The following CDK19 variants were observed in gnomAD, a reference collection of about 807,000 sequenced individuals.
CDK19 encodes the protein cyclin-dependent kinase 19.
CDK19 carries 20 observed loss-of-function variants against 68.3 expected under a neutral mutation model. The observed-to-expected ratio is 0.29, with a 90% CI of 0.21 to 0.43. The LOEUF (loss-of-function observed/expected upper bound fraction) is 0.43, where lower values mean the gene tolerates loss of function less well. Among genes scored for constraint, CDK19 ranks in the 20% least tolerant of loss-of-function variants. The pLI, the probability that CDK19 is intolerant of heterozygous loss-of-function variation, is 1.00. For missense variants in CDK19, 339 were observed against 623.5 expected, an observed-to-expected ratio of 0.54 and a Z score of 4.86; for synonymous variants, 221 against 222.8, an observed-to-expected ratio of 0.99 and a Z score of 0.07.
At chr6:110,774,089 A>G (rs754102055) in intron 1 of CDK19, among the ~76,000 whole-genome samples, 33 of 144,354 alleles carry the variant, frequency 2.3e-4, no homozygotes, top group Non-Finnish European at 1.9e-4. Context: ...TCAACAATAT[A>G]TAGGTAACAT....
chr6:110,685,364 C>G (rs935135664), intron 2 of CDK19, among the ~76,000 whole-genome samples: 1 of 152,206 alleles, frequency 6.6e-6, no homozygotes, highest in Non-Finnish European at 1.5e-5. Flanking sequence ...TCATTTATCA[C>G]TTCTTCTAAG....
chr6:110,645,190 T>A (rs1048613606), intron 4 of CDK19, among the ~76,000 whole-genome samples: 1 of 152,210 alleles, frequency 6.6e-6, no homozygotes, highest in Admixed American at 6.5e-5. Flanking sequence ...CATTTACAAA[T>A]ACTGATCATA....
At chr6:110,760,574 C>CA (rs1361863928) in intron 1 of CDK19, among the ~76,000 whole-genome samples, 2 of 151,758 alleles carry the variant, frequency 1.3e-5, no homozygotes, top group African/African-American at 4.8e-5. Context: ...CAAAAAAATA[C>CA]AAAAATGAGT....
intron 1 of CDK19, among the ~76,000 whole-genome samples, chr6:110,806,368 T>C (rs1782685925): frequency 6.6e-6 from 1 of 151,976 alleles, no homozygotes; most frequent in African/African-American, 2.4e-5. Flanking sequence ...ATTATTGTCT[T>C]AACATTTCAC....
chr6:110,638,057 AT>A (rs71553303), intron 5 of CDK19, among the ~76,000 whole-genome samples: 20,633 of 149,516 alleles, frequency 0.14, 1,744 homozygotes, highest in Admixed American at 0.27. Context: ...AATGATGCTG[AT>A]TTTTTTTTTT....
At chr6:110,764,538 G>A (rs1380146323) in intron 1 of CDK19, among the ~76,000 whole-genome samples, 1 of 152,190 alleles carries the variant, frequency 6.6e-6, no homozygotes, top group Non-Finnish European at 1.5e-5. Flanking sequence ...GCTAGTTCTA[G>A]CACTGGACAA....
chr6:110,644,521 G>T (rs1780421987), intron 4 of CDK19, among the ~76,000 whole-genome samples: 1 of 152,124 alleles, frequency 6.6e-6, no homozygotes, highest in East Asian at 1.9e-4. Context: ...AGTATAATTG[G>T]ATTGTTTGTA....
intron 7 of CDK19, 67 bp from the exon 8 acceptor site, chr6:110,626,912 G>C (rs1412635717): frequency 8.6e-6 from 12 of 1,388,006 alleles, no homozygotes; most frequent in Non-Finnish European, 1.1e-5. Context: ...AATTATGTTA[G>C]TTTATAAATA....
intron 4 of CDK19, among the ~76,000 whole-genome samples, chr6:110,643,480 T>C (rs570798116): frequency 2.4e-3 from 371 of 152,274 alleles, no homozygotes; most frequent in Non-Finnish European, 3.4e-3. Context: ...TTCTCACTTA[T>C]TTGTGGGAGC....
chr6:110,740,733 G>A (rs1298879057), intron 2 of CDK19, among the ~76,000 whole-genome samples: 2 of 152,122 alleles, frequency 1.3e-5, no homozygotes, highest in Admixed American at 1.3e-4. Flanking sequence ...TCTCAGCTAT[G>A]TGTGCCTATA....
intron 1 of CDK19, among the ~76,000 whole-genome samples, chr6:110,785,875 G>A (rs1781180157): frequency 6.6e-6 from 1 of 151,808 alleles, no homozygotes; most frequent in South Asian, 2.1e-4. Flanking sequence ...AACTACTCGG[G>A]AGCCTGAGGC....
In CDK19 at chr6:110,779,445, G is replaced by A. The variant is rs534448763; in HGVS notation, c.129-33244C>T. On this transcript the variant is annotated intron_variant, in intron 1 of 12. Transcript: ENST00000368911. ...TACCTATGAAACTATAATGTAATGT[G>A]GAGATGTTTTGGTCTTCCTCTGTCA... 2.0e-5 allele frequency among the ~76,000 whole-genome samples: 3 copies of A among 152,234 alleles called. No homozygotes were observed. The East Asian group carries it at 5.8e-4, about 29-fold the overall frequency.
At chr6:110,781,984 T>C (rs1300234672) in intron 1 of CDK19, among the ~76,000 whole-genome samples, 1 of 152,164 alleles carries the variant, frequency 6.6e-6, no homozygotes, top group Non-Finnish European at 1.5e-5. Context: ...AAGATAAACT[T>C]TGTGAAGTTT....
chr6:110,701,057 A>C (rs1003049296), intron 2 of CDK19, among the ~76,000 whole-genome samples: 10 of 152,056 alleles, frequency 6.6e-5, no homozygotes, highest in Non-Finnish European at 2.9e-5. Context: ...ATAAAAACTT[A>C]GCCAGGCGTG....
intron 1 of CDK19, among the ~76,000 whole-genome samples, chr6:110,758,201 G>A (rs914216691): frequency 6.6e-6 from 1 of 151,684 alleles, no homozygotes; most frequent in Non-Finnish European, 1.5e-5. Flanking sequence ...CCACCTCCCC[G>A]CAACAAAAAG....
intron 2 of CDK19, among the ~76,000 whole-genome samples, chr6:110,743,239 G>T (rs1010605308): frequency 3.9e-5 from 6 of 152,194 alleles, no homozygotes; most frequent in African/African-American, 1.4e-4. Context: ...AAACTTGTGT[G>T]AAAATCCCTA....
At chr6:110,752,247 T>C (rs1033864716) in intron 1 of CDK19, among the ~76,000 whole-genome samples, 6 of 152,196 alleles carry the variant, frequency 3.9e-5, no homozygotes, top group African/African-American at 1.2e-4. Context: ...ATGACAGTAA[T>C]GCTGCATGTA....
At chr6:110,666,994 T>C (rs1781985219) in intron 4 of CDK19, among the ~76,000 whole-genome samples, 1 of 152,216 alleles carries the variant, frequency 6.6e-6, no homozygotes, top group South Asian at 2.1e-4. Flanking sequence ...TATTCATTTG[T>C]TTATTAATAT....
intron 2 of CDK19, among the ~76,000 whole-genome samples, chr6:110,715,418 C>T (rs1775293631): frequency 6.6e-6 from 1 of 152,190 alleles, no homozygotes; most frequent in South Asian, 2.1e-4. Context: ...AAGAATCAGA[C>T]AGAAAATGAG....
Sources: allele counts gnomAD v4.1 joint callset (sites outside exome capture counted in the v4.1 genomes callset), GRCh38; gene constraint gnomAD v4.1.1; transcripts MANE v1.5; gene names NCBI Gene and HGNC (gene_info 2026-07-23, HGNC 2026-07-21).